Variants in GLB1 observed in about 807,000 individuals in gnomAD.
GLB1 encodes the protein beta-galactosidase.
A neutral mutation model predicts 74.0 loss-of-function variants in GLB1; 56 were observed. That is an observed-to-expected ratio of 0.76 (90% CI 0.61 to 0.94). The LOEUF (loss-of-function observed/expected upper bound fraction) is 0.94. Ranked by LOEUF, GLB1 falls within the 40% of genes least tolerant of loss-of-function variation. The pLI is 0.00. For missense variants in GLB1, 787 were observed against 845.5 expected, an observed-to-expected ratio of 0.93 and a Z score of 0.86; for synonymous variants, 323 against 323.6, an observed-to-expected ratio of 1.00 and a Z score of 0.02.
intron 4 of GLB1, among the ~76,000 whole-genome samples, chr3:33,065,967 T>A (rs1481403201): frequency 7.1e-4 from 11 of 15,484 alleles, no homozygotes; most frequent in Admixed American, 3.5e-3. Flanking sequence ...AAACTCTGTC[T>A]CAAAAAAAAA....
At chr3:33,083,489 C>T (rs977097323) in intron 1 of GLB1, among the ~76,000 whole-genome samples, 2 of 151,962 alleles carry the variant, frequency 1.3e-5, no homozygotes, top group Non-Finnish European at 2.9e-5. Context: ...GTGTATTCCC[C>T]CCAAATGCAA....
At chr3:33,058,919 C>T (rs1325049109) in intron 5 of GLB1, among the ~76,000 whole-genome samples, 2 of 152,180 alleles carry the variant, frequency 1.3e-5, no homozygotes, top group African/African-American at 4.8e-5. Context: ...TCAGTTTGTG[C>T]TCAATAACAT....
chr3:32,988,179 C>T, the GLB1 span, among the ~76,000 whole-genome samples: 1 of 117,200 alleles, frequency 8.5e-6, no homozygotes, highest in Non-Finnish European at 1.7e-5. Flanking sequence ...GAGCAAGACT[C>T]CATCTCAAAA....
At chr3:32,970,815 G>GAGGCT in the GLB1 span, among the ~76,000 whole-genome samples, 1 of 152,244 alleles carries the variant, frequency 6.6e-6, no homozygotes, top group African/African-American at 2.4e-5. Context: ...GACCACACTG[G>GAGGCT]AAGCTAAGCT....
rs992786329 is a variant in GLB1, at chr3:33,006,519, T to C, written c.1734+7537A>G. ...GGGACCACTGGCATACAGGACATAT[T>C]GTGGAAAGCACTGGAGAAGAACGCT... On this transcript the variant is annotated intron_variant, in intron 15 of 15. Coordinates refer to ENST00000307363, the MANE Select transcript of GLB1 (RefSeq NM_000404.4). 3.3e-5 allele frequency among the ~76,000 whole-genome samples: 5 copies of C among 152,206 alleles called. 1 individual carries two copies. Among genetic ancestry groups the C allele is most frequent in the Middle Eastern group, 3.4e-3 (1 of 294 alleles).
At position 33,014,052 on chromosome 3, in the gene GLB1, G is replaced by A. The variant is rs559694814; in HGVS notation, c.1734+4C>T. 6.2e-6 allele frequency: 10 copies of A among 1,614,126 alleles called. No homozygotes were observed. Among genetic ancestry groups the A allele is most frequent in the Admixed American group, 1.7e-5 (1 of 60,026 alleles). On this transcript the variant is annotated splice_donor_region_variant and intron_variant, in intron 15 of 15. Coordinates refer to ENST00000307363, the MANE Select transcript of GLB1 (RefSeq NM_000404.4). ...ATTCAAACCCTTCCCATGAAGACAC[G>A]TACCTTGGTCCATCCAGGAAACTGG... is the stretch of plus-strand genomic sequence containing the variant.
At chr3:32,966,836 CA>C in the GLB1 span, among the ~76,000 whole-genome samples, 5 of 152,174 alleles carry the variant, frequency 3.3e-5, no homozygotes, top group Non-Finnish European at 7.4e-5. Context: ...TTATAAAGGA[CA>C]GTTCCCCTGC....
At chr3:33,029,972 GA>G (rs1697939805) in intron 10 of GLB1, 1 of 128,794 alleles carries the variant, frequency 7.8e-6, no homozygotes, top group Non-Finnish European at 1.7e-5. Flanking sequence ...AAAAAAAAAA[GA>G]AAAGTAATGT....
chr3:33,073,602 C>T (rs942854646), intron 1 of GLB1, among the ~76,000 whole-genome samples: 3 of 151,774 alleles, frequency 2.0e-5, no homozygotes, highest in Non-Finnish European at 4.4e-5. Flanking sequence ...ACACGAGAAT[C>T]GCTTGAACCC....
intron 10 of GLB1, among the ~76,000 whole-genome samples, chr3:33,044,917 G>A (rs1698680861): frequency 6.6e-6 from 1 of 152,084 alleles, no homozygotes; most frequent in Admixed American, 6.5e-5. Flanking sequence ...ACGCTAGCAG[G>A]ACTAAGCAGT....
chr3:33,083,702 G>A (rs916441257), intron 1 of GLB1, among the ~76,000 whole-genome samples: 6 of 152,096 alleles, frequency 3.9e-5, no homozygotes, highest in Admixed American at 1.3e-4. Context: ...CCCCGTTAAC[G>A]CATCCAATAC....
intron 11 of GLB1, among the ~76,000 whole-genome samples, chr3:33,022,343 T>C (rs1697524246): frequency 6.6e-6 from 1 of 152,054 alleles, no homozygotes; most frequent in African/African-American, 2.4e-5. Flanking sequence ...ACAATAATAA[T>C]AACAGCTACC....
intron 5 of GLB1, among the ~76,000 whole-genome samples, chr3:33,063,106 T>G (rs1171477790): frequency 1.4e-4 from 22 of 152,204 alleles, no homozygotes. Flanking sequence ...ATAGGAACTG[T>G]GCGTCAGAAG....
Position 33,051,878 on chromosome 3 carries a change from C to G in GLB1, c.914+5G>C. 6 of 1,614,256 alleles carry G rather than the reference C, an allele frequency of 3.7e-6. No individual in the cohort carries two copies. The highest frequency in any genetic ancestry group is 3.4e-6 in the Non-Finnish European group (4 of 1,180,048). ...GCACCCTCCCCTCAGGCAATGAACACTCACAAGTTCACACTCGCCCCACGG... is the reference window on the plus strand; with the variant it reads ...GCACCCTCCCCTCAGGCAATGAACAGTCACAAGTTCACACTCGCCCCACGG... On this transcript the variant is annotated splice_donor_5th_base_variant and intron_variant, in intron 8 of 15. Coordinates refer to ENST00000307363, the MANE Select transcript of GLB1 (RefSeq NM_000404.4).
intron 10 of GLB1, among the ~76,000 whole-genome samples, chr3:33,031,665 ATATATATAT>A (rs1559391346): frequency 7.6e-6 from 1 of 131,442 alleles, no homozygotes; most frequent in Admixed American, 7.8e-5. Flanking sequence ...ATATATATAT[ATATATATAT>A]AATCTCCACT....
At chr3:33,050,960 G>T (rs1308941374) in intron 9 of GLB1, among the ~76,000 whole-genome samples, 2 of 152,184 alleles carry the variant, frequency 1.3e-5, no homozygotes, top group Admixed American at 6.5e-5. Flanking sequence ...CAGGCGCAGT[G>T]GCTCACGCCT....
intron 1 of GLB1, among the ~76,000 whole-genome samples, chr3:33,084,957 T>C (rs1422365227): frequency 2.0e-5 from 3 of 152,074 alleles, no homozygotes; most frequent in Non-Finnish European, 4.4e-5. Flanking sequence ...CTACATTAGG[T>C]TACTAAGAAC....
the GLB1 span, among the ~76,000 whole-genome samples, chr3:32,979,679 C>A: frequency 6.6e-6 from 1 of 151,046 alleles, no homozygotes; most frequent in Admixed American, 6.6e-5. Context: ...ATAGTGAGAC[C>A]CTGTCTCTAC....
At chr3:33,079,590 T>A (rs1700249721) in intron 1 of GLB1, among the ~76,000 whole-genome samples, 1 of 152,226 alleles carries the variant, frequency 6.6e-6, no homozygotes, top group African/African-American at 2.4e-5. Flanking sequence ...AAATGCAGAC[T>A]GATAAAATGA....
Sources: gnomAD v4.1 joint callset for allele counts (sites outside exome capture counted in the v4.1 genomes callset) on GRCh38, gnomAD v4.1.1 for gene constraint, MANE v1.5 for transcripts, NCBI Gene and HGNC (gene_info 2026-07-23, HGNC 2026-07-21) for gene names.